The following RGS5 variants were observed in gnomAD, a reference collection of about 807,000 sequenced individuals.
The protein encoded by RGS5 is regulator of G-protein signalling 5.
A neutral mutation model predicts 18.9 loss-of-function variants in RGS5; 20 were observed. The observed-to-expected ratio is 1.06, with a 90% CI of 0.74 to 1.54. The LOEUF is 1.54. Ranked by LOEUF, RGS5 falls within the 40% of genes most tolerant of loss-of-function variation. The probability of loss-of-function intolerance (pLI) is 0.00; values close to 1 mark genes in which losing one functional copy is unlikely to be tolerated. For synonymous variants in RGS5, 57 were observed against 76.2 expected (o/e 0.75, Z 1.31); for missense variants, 201 against 211.8 (o/e 0.95, Z 0.32).
intron 2 of RGS5, among the ~76,000 whole-genome samples, chr1:163,303,173 T>C (rs149494104): frequency 1.3e-5 from 2 of 152,214 alleles, no homozygotes; most frequent in African/African-American, 2.4e-5. Context: ...ATATGAAACA[T>C]ACTTACATTA....
intron 2 of RGS5, among the ~76,000 whole-genome samples, chr1:163,265,729 G>A (rs1393622742): frequency 6.6e-6 from 1 of 151,966 alleles, no homozygotes; most frequent in African/African-American, 2.4e-5. Flanking sequence ...ATCTTTTCAG[G>A]TTTCAGTTCA....
At chr1:163,240,504 T>C (rs1382993678) in intron 2 of RGS5, among the ~76,000 whole-genome samples, 2 of 151,702 alleles carry the variant, frequency 1.3e-5, no homozygotes, top group Admixed American at 1.3e-4. Flanking sequence ...GAAGGAACTC[T>C]TAGGGATAAT....
At chr1:163,168,866 T>A (rs1658173221) in intron 1 of RGS5, among the ~76,000 whole-genome samples, 1 of 152,088 alleles carries the variant, frequency 6.6e-6, no homozygotes, top group Non-Finnish European at 1.5e-5. Flanking sequence ...ATCACTTTTT[T>A]TTATTATTAT....
At chr1:163,174,818 G>A (rs1658475861) in intron 1 of RGS5, among the ~76,000 whole-genome samples, 1 of 152,186 alleles carries the variant, frequency 6.6e-6, no homozygotes, top group Non-Finnish European at 1.5e-5. Flanking sequence ...ATCACAAACA[G>A]GTTTCGCTGT....
chr1:163,150,419 G>A (rs369146198), intron 4 of RGS5, among the ~76,000 whole-genome samples: 139 of 152,302 alleles, frequency 9.1e-4, no homozygotes, highest in African/African-American at 3.1e-3. Flanking sequence ...ATTCTGTGAA[G>A]AGGAAGTCAA....
At position 163,149,864 on chromosome 1, in the gene RGS5, A is replaced by T. The variant is rs535187633; in HGVS notation, c.385-2361T>A. 2.0e-5 allele frequency among the ~76,000 whole-genome samples: 3 copies of T among 152,278 alleles called. No homozygotes were observed. The South Asian group carries it at 6.2e-4, about 32-fold the overall frequency. On this transcript the variant is annotated intron_variant, in intron 4 of 4. Coordinates refer to ENST00000313961, the MANE Select transcript of RGS5 (RefSeq NM_003617.4). ...TTACATCAAAATACAAAAGTTGGAGAATTTTTTAAGTAATAAAAGCTATGA... is the reference window on the plus strand; with the variant it reads ...TTACATCAAAATACAAAAGTTGGAGTATTTTTTAAGTAATAAAAGCTATGA...
At chr1:163,305,381 G>C in intron 2 of RGS5, 1 of 152,492 alleles carries the variant, frequency 6.6e-6, no homozygotes, top group Non-Finnish European at 1.5e-5. Context: ...CTCCATCCCT[G>C]CTGCAATCTT....
upstream of RGS5, among the ~76,000 whole-genome samples, chr1:163,205,826 TGTAA>T (rs748027827): frequency 3.8e-4 from 58 of 152,318 alleles, no homozygotes; most frequent in African/African-American, 1.1e-3. Context: ...TTAAATCATG[TGTAA>T]GTGTCTTTAT....
intron 1 of RGS5, among the ~76,000 whole-genome samples, chr1:163,209,509 AG>A (rs1482504777): frequency 2.0e-5 from 3 of 152,200 alleles, no homozygotes; most frequent in African/African-American, 7.2e-5. Flanking sequence ...ATCCCAAGAC[AG>A]GAATATCTTA....
intron 1 of RGS5, among the ~76,000 whole-genome samples, chr1:163,313,298 C>T (rs1335551762): frequency 6.6e-6 from 1 of 152,104 alleles, no homozygotes; most frequent in Non-Finnish European, 1.5e-5. Context: ...TTAGTTAATA[C>T]TAACTCTAGG....
intron 2 of RGS5, among the ~76,000 whole-genome samples, chr1:163,250,528 A>G (rs1648078695): frequency 6.6e-6 from 1 of 152,206 alleles, no homozygotes; most frequent in African/African-American, 2.4e-5. Flanking sequence ...CCTCTGCTAA[A>G]GAAAAGCTAC....
intron 2 of RGS5, among the ~76,000 whole-genome samples, chr1:163,295,286 T>C (rs1225682174): frequency 2.0e-5 from 3 of 152,158 alleles, no homozygotes; most frequent in African/African-American, 7.2e-5. Context: ...GTATTCAAAC[T>C]GAAAAAGATG....
chr1:163,317,459 C>G (rs777921200), intron 1 of RGS5, among the ~76,000 whole-genome samples: 1 of 152,158 alleles, frequency 6.6e-6, no homozygotes, highest in Admixed American at 6.6e-5. Flanking sequence ...TATTTCTATC[C>G]ACACTGGCAA....
chr1:163,193,465 ACT>A (rs71821332), intron 1 of RGS5, among the ~76,000 whole-genome samples: 22,874 of 151,984 alleles, frequency 0.15, 1,760 homozygotes, highest in South Asian at 0.26. Flanking sequence ...GCAAATAAAT[ACT>A]CTGTTTGGAC....
chr1:163,222,972 G>A (rs1647262714), intron 2 of RGS5, among the ~76,000 whole-genome samples: 2 of 152,098 alleles, frequency 1.3e-5, no homozygotes. Flanking sequence ...AGCCTCCCAA[G>A]TAGCTGTGAT....
intron 2 of RGS5, among the ~76,000 whole-genome samples, chr1:163,246,649 A>T (rs1241981028): frequency 6.6e-6 from 1 of 152,180 alleles, no homozygotes; most frequent in African/African-American, 2.4e-5. Flanking sequence ...CTACAACTCT[A>T]ATCATTGGGA....
intron 1 of RGS5, among the ~76,000 whole-genome samples, chr1:163,197,277 C>T (rs1389142212): frequency 6.6e-6 from 1 of 152,142 alleles, no homozygotes; most frequent in Non-Finnish European, 1.5e-5. Flanking sequence ...GGCCTGTCCC[C>T]TTCACCTAGA....
At chr1:163,269,308 G>T (rs1206083886) in intron 2 of RGS5, among the ~76,000 whole-genome samples, 1 of 152,140 alleles carries the variant, frequency 6.6e-6, no homozygotes, top group Non-Finnish European at 1.5e-5. Flanking sequence ...ATGGGTGTCT[G>T]TGTAAGGCAT....
chr1:163,245,728 T>A (rs942676079), intron 2 of RGS5, among the ~76,000 whole-genome samples: 1 of 152,188 alleles, frequency 6.6e-6, no homozygotes, highest in Non-Finnish European at 1.5e-5. Flanking sequence ...TTTTCAAAGG[T>A]TTATGAGGAT....
Sources: allele counts gnomAD v4.1 joint callset (sites outside exome capture counted in the v4.1 genomes callset), GRCh38; gene constraint gnomAD v4.1.1; transcripts MANE v1.5; gene names NCBI Gene and HGNC (gene_info 2026-07-23, HGNC 2026-07-21).